LRP12: variants seen among roughly 807,000 people sequenced by gnomAD.
LRP12 encodes the protein low-density lipoprotein receptor-related protein 12.
Under a neutral mutation model 66.0 loss-of-function variants are expected in LRP12, and 14 were observed. The ratio of observed to expected loss-of-function variants is 0.21; its 90% CI spans 0.14 to 0.33. The LOEUF is 0.33. Ranked by LOEUF, LRP12 falls within the 10% of genes least tolerant of loss-of-function variation. The pLI is 1.00. For synonymous variants in LRP12, 357 were observed against 359.1 expected, an observed-to-expected ratio of 0.99 and a Z score of 0.07; for missense variants, 889 against 1,053.4, an observed-to-expected ratio of 0.84 and a Z score of 2.16.
At position 104,551,338 on chromosome 8, in the gene LRP12, T is replaced by C. The variant is rs540228307; in HGVS notation, c.80-19375A>G. 6.6e-5 allele frequency among the ~76,000 whole-genome samples: 10 copies of C among 152,274 alleles called. 1 individual carries two copies. In the South Asian group the frequency reaches 2.1e-3, roughly 32 times the overall value. On this transcript the variant is annotated intron_variant, in intron 1 of 6. Transcript: ENST00000276654. ...AGTTATAAGCATATTACTACCACAA[T>C]CCTCATCATATTTTGGGGTTATCAA...
chr8:104,580,238 T>C (rs7837425), intron 1 of LRP12, among the ~76,000 whole-genome samples: 10,858 of 151,806 alleles, frequency 0.072, 1,098 homozygotes, highest in African/African-American at 0.23. Flanking sequence ...TAATCTAGGC[T>C]GGGTGCGGTG....
At chr8:104,585,111 A>C (rs1280478393) in intron 1 of LRP12, among the ~76,000 whole-genome samples, 1 of 152,270 alleles carries the variant, frequency 6.6e-6, no homozygotes, top group Non-Finnish European at 1.5e-5. Context: ...TATGCTGTGA[A>C]CAGTTCTACG....
chr8:104,577,809 T>TG (rs1278197266), intron 1 of LRP12, among the ~76,000 whole-genome samples: 1 of 24,892 alleles, frequency 4.0e-5, no homozygotes, highest in Non-Finnish European at 7.5e-5. Context: ...AGACTCCATC[T>TG]CAAAAAAAAA....
rs200148804 is a variant in LRP12, at chr8:104,588,809, G to T, written c.79+10C>A. ...TTCGGTCAGCGGGGCGCGGGGACGC[G>T]GACACTTACCGTACACCCCAGCGAG... is the stretch of plus-strand genomic sequence containing the variant. On this transcript the variant is annotated intron_variant, in intron 1 of 6. Coordinates refer to ENST00000276654, the MANE Select transcript of LRP12 (RefSeq NM_013437.5). The T allele has an allele frequency of 6.0e-5, 96 of 1,611,170 alleles. No individual in the cohort carries two copies. In the East Asian group the frequency reaches 1.8e-3, roughly 30 times the overall value.
chr8:104,494,555 A>T (rs1340457367), intron 6 of LRP12, among the ~76,000 whole-genome samples: 2 of 152,164 alleles, frequency 1.3e-5, no homozygotes, highest in East Asian at 1.9e-4. Context: ...TACGAGAAAA[A>T]TTTTTTTAAT....
rs778367927 is a variant in LRP12 at position 104,491,244 on chromosome 8, C to T, written c.2009G>A (p.Gly670Glu). The T allele has an allele frequency of 6.2e-7, 1 of 1,614,036 alleles. No homozygotes were observed. Among genetic ancestry groups the T allele is most frequent in the South Asian group, 1.1e-5 (1 of 91,058 alleles). ...TTTTTGAGGCAAAGGAGCTGCAACC[C>T]CACCAGATGCTCCTGCCATATCTCT... Reference protein sequence around the residue: ...ERRDMAGASGGVAAPLPQKVP... With the variant: ...ERRDMAGASGEVAAPLPQKVP... The change falls in exon 7 of 7, where the codon GGG becomes GAG. Residue 670 changes from glycine to glutamate, a missense_variant. Gly to Glu is a moderately conservative substitution (Grantham distance 98). Transcript: ENST00000276654.
chr8:104,503,268 A>C (rs1810855378), intron 3 of LRP12, among the ~76,000 whole-genome samples: 1 of 138,546 alleles, frequency 7.2e-6, no homozygotes, highest in East Asian at 2.3e-4. Context: ...CAAAGGTTGC[A>C]GTGAGCCAAG....
At chr8:104,554,908 C>G (rs111818959) in intron 1 of LRP12, among the ~76,000 whole-genome samples, 3,641 of 152,230 alleles carry the variant, frequency 0.024, 107 homozygotes, top group African/African-American at 0.065. Context: ...TAAAACCTAT[C>G]AGATTAACAG....
chr8:104,586,488 C>G (rs925358373), intron 1 of LRP12, among the ~76,000 whole-genome samples: 1 of 152,122 alleles, frequency 6.6e-6, no homozygotes, highest in African/African-American at 2.4e-5. Context: ...ATTTTTGAAG[C>G]CTTTTAAAAC....
rs1810596154 is a variant in LRP12, at chr8:104,490,295, AC to A, written c.*377del. The A allele has an allele frequency of 1.2e-5, 2 of 163,888 alleles. No homozygotes were observed. Among genetic ancestry groups the A allele is most frequent in the African/African-American group, 4.8e-5 (2 of 41,646 alleles). 10.2% of individuals were successfully genotyped at this position (163,888 alleles called of 1,614,324 possible). On this transcript the variant is annotated 3_prime_UTR_variant, in exon 7 of 7. Coordinates refer to ENST00000276654, the MANE Select transcript of LRP12 (RefSeq NM_013437.5). Reference sequence around the variant, plus strand: ...ACAAGATGTGTTGGCAAAAGCATAAACGTTTCAATTAAAATAAGGTATTATT... The same window carrying A: ...ACAAGATGTGTTGGCAAAAGCATAAAGTTTCAATTAAAATAAGGTATTATT...
chr8:104,577,767 C>T (rs1414640183), intron 1 of LRP12, among the ~76,000 whole-genome samples: 13 of 146,512 alleles, frequency 8.9e-5, no homozygotes, highest in African/African-American at 2.3e-4. Context: ...GCCAAGACTG[C>T]GCCACTGTGC....
intron 1 of LRP12, among the ~76,000 whole-genome samples, chr8:104,555,714 G>A (rs1811797172): frequency 6.6e-6 from 1 of 151,914 alleles, no homozygotes; most frequent in African/African-American, 2.4e-5. Flanking sequence ...AATATTAGTG[G>A]CAGACTTCAA....
chr8:104,582,231 A>G (rs1220638150), intron 1 of LRP12, among the ~76,000 whole-genome samples: 1 of 152,198 alleles, frequency 6.6e-6, no homozygotes, highest in Non-Finnish European at 1.5e-5. Context: ...CATGAGCATA[A>G]AACAATTTCA....
At chr8:104,542,875 G>A (rs1379826116) in intron 1 of LRP12, among the ~76,000 whole-genome samples, 5 of 151,898 alleles carry the variant, frequency 3.3e-5, no homozygotes, top group Non-Finnish European at 7.4e-5. Flanking sequence ...GTAGGCAGAG[G>A]AGGAGGAGGA....
At chr8:104,577,440 C>A (rs183799572) in intron 1 of LRP12, among the ~76,000 whole-genome samples, 7 of 152,296 alleles carry the variant, frequency 4.6e-5, no homozygotes, top group Non-Finnish European at 8.8e-5. Flanking sequence ...AAAAACCATA[C>A]AATTACATGA....
chr8:104,580,543 A>G lies in LRP12; in HGVS notation c.79+8276T>C, dbSNP rs926146253. ...AGACTCCGTTTCAAAAAAAAAACAA[A>G]ACAAACAAACAAAAAATTAATCTAA... On this transcript the variant is annotated intron_variant, in intron 1 of 6. Transcript: ENST00000276654. Among the ~76,000 whole-genome samples, 3 of 151,922 alleles carry G rather than the reference A, an allele frequency of 2.0e-5. No individual in the cohort carries two copies. The East Asian group carries it at 5.8e-4, about 29-fold the overall frequency.
At chr8:104,566,378 C>A in intron 1 of LRP12, 1 of 261,168 alleles carries the variant, frequency 3.8e-6, no homozygotes, top group South Asian at 6.4e-5. Flanking sequence ...CAGTGAAAAC[C>A]ATGGGAGCCT....
intron 6 of LRP12, among the ~76,000 whole-genome samples, chr8:104,493,823 T>G (rs1157858268): frequency 6.6e-6 from 1 of 152,248 alleles, no homozygotes; most frequent in Non-Finnish European, 1.5e-5. Context: ...AATGCCCTCC[T>G]GCCTCTATGG....
intron 1 of LRP12, among the ~76,000 whole-genome samples, chr8:104,565,530 T>TA (rs1343147125): frequency 4.0e-5 from 6 of 151,428 alleles, no homozygotes; most frequent in East Asian, 1.9e-4. Context: ...GAGGGCAAAA[T>TA]AAAAAAAACA....
Sources: gnomAD v4.1 joint callset for allele counts (sites outside exome capture counted in the v4.1 genomes callset) on GRCh38, gnomAD v4.1.1 for gene constraint, MANE v1.5 for transcripts, NCBI Gene and HGNC (gene_info 2026-07-23, HGNC 2026-07-21) for gene names.